ATG2A: variants seen among roughly 807,000 people sequenced by gnomAD.
ATG2A encodes the protein autophagy related 2A.
A neutral mutation model predicts 214.2 loss-of-function variants in ATG2A; 103 were observed. The ratio of observed to expected loss-of-function variants is 0.48; its 90% CI spans 0.41 to 0.57. The LOEUF (loss-of-function observed/expected upper bound fraction) is 0.57, where lower values mean the gene tolerates loss of function less well. Among genes scored for constraint, ATG2A ranks in the 20% least tolerant of loss-of-function variants. The pLI, the probability that ATG2A is intolerant of heterozygous loss-of-function variation, is 0.00. For synonymous variants in ATG2A, 1,160 were observed against 1,142.1 expected (o/e 1.02, Z -0.32); for missense variants, 2,312 against 2,613.2 (o/e 0.88, Z 2.51).
rs1944820529 is a variant in ATG2A at position 64,912,654 on chromosome 11, T to G, written c.826-231A>C. On this transcript the variant is annotated intron_variant, in intron 6 of 40. Coordinates refer to ENST00000377264, the MANE Select transcript of ATG2A (RefSeq NM_015104.3). ...TGTTGCCCAGGCTGCAGTGCAGTGG[T>G]GCAATCTTGGCTCACTGCAACCTCT... The G allele has an allele frequency of 4.4e-5, 23 of 518,214 alleles. 2 individuals carry two copies. In the South Asian group the frequency reaches 5.4e-4, roughly 12 times the overall value. The allele number at this position is 518,214 out of a possible 1,614,324, so 32.1% of individuals were successfully genotyped here.
chr11:64,895,363 C>G lies in ATG2A; in HGVS notation c.5507G>C (p.Arg1836Pro), dbSNP rs200184532. Residue 1836 changes from arginine to proline, a missense_variant, in exon 40 of 41, where the codon CGG becomes CCG. Transcript: ENST00000377264. This position sits in a 1 kb window ranked among gnomAD's most constrained non-coding sequence, Gnocchi z 5.0. ...AGGCTGCTGGCCCCTGCGCAGCCTC[C>G]GCGCAGAGCGCTTATCCTGCAGGGA... ...SRSLQDKRSA[R>P]RLRRGQQPAD... 3 of 1,612,756 alleles carry G rather than the reference C, an allele frequency of 1.9e-6. No homozygotes were observed. Among genetic ancestry groups the G allele is most frequent in the Admixed American group, 3.3e-5 (2 of 59,938 alleles).
At position 64,901,981 on chromosome 11, in the gene ATG2A, G is replaced by A. The variant is rs1354642101; in HGVS notation, c.4100C>T (p.Ala1367Val). Reference sequence around the variant, plus strand: ...ACGCACCGGGATGCCCAGGCCGGGAGCATCAAGGATGCAGAACTCATCACT... The same window carrying A: ...ACGCACCGGGATGCCCAGGCCGGGAACATCAAGGATGCAGAACTCATCACT... ...LDSDEFCILD[A>V]PGLGIPPRDG... is the part of the protein sequence containing the mutation. Residue 1367 changes from alanine to valine, a missense_variant, in exon 29 of 41, where the codon GCT becomes GTT. Transcript: ENST00000377264. The A allele has an allele frequency of 1.5e-5, 24 of 1,613,508 alleles. No individual in the cohort carries two copies. Among genetic ancestry groups the A allele is most frequent in the Non-Finnish European group, 2.0e-5 (24 of 1,179,998 alleles).
chr11:64,906,579 C>T (rs1944558961), intron 20 of ATG2A, 46 bp from the exon 21 acceptor site: 1 of 1,608,880 alleles, frequency 6.2e-7, no homozygotes, highest in Admixed American at 1.7e-5. Flanking sequence ...ACTGGCTACC[C>T]ACTCCACCCA....
chr11:64,895,494 GCCCCAGGC>G lies in ATG2A; in HGVS notation c.5428-60_5428-53del. On this transcript the variant is annotated intron_variant, in intron 39 of 40. Transcript: ENST00000377264. This position sits in a 1 kb window ranked among gnomAD's most constrained non-coding sequence, Gnocchi z 5.0. ...GGACAGCTGGCTGGGGCACACGTCA[GCCCCAGGC>G]CCCCAGGACAGTCTGAGACCCCACC... is the stretch of plus-strand genomic sequence containing the variant. The G allele has an allele frequency of 6.8e-7, 1 of 1,478,442 alleles. No homozygotes were observed. Among genetic ancestry groups the G allele is most frequent in the Non-Finnish European group, 9.0e-7 (1 of 1,110,614 alleles). 91.6% of individuals were successfully genotyped at this position (1,478,442 alleles called of 1,614,324 possible).
In ATG2A at chr11:64,902,108, G is replaced by T. The variant is rs776789973; in HGVS notation, c.3973C>A (p.Pro1325Thr). The change falls in exon 29 of 41, where the codon CCC becomes ACC. Residue 1325 changes from proline (P) to threonine (T), a missense_variant. Coordinates refer to ENST00000377264, the MANE Select transcript of ATG2A (RefSeq NM_015104.3). Reference sequence around the variant, plus strand: ...GGGCCCCCGACAGGTGGTGAAGGGGGTGGGGCCCCACTCCGTTCACCTGGG... The same window carrying T: ...GGGCCCCCGACAGGTGGTGAAGGGGTTGGGGCCCCACTCCGTTCACCTGGG... ...LFPGERSGAP[P>T]PSPPVGGPAG... The T allele has an allele frequency of 1.9e-6, 3 of 1,613,930 alleles. No homozygotes were observed. In the Admixed American group the frequency reaches 5.0e-5, roughly 27 times the overall value.
In ATG2A at chr11:64,913,172, GA is replaced by G; in HGVS notation, c.727-37del. Reference sequence around the variant, plus strand: ...GGAGGATACAAGAGGGAAAGGTTGAGAAAATGGAGTCAGAGATGGTCAGAAA... The same window carrying G: ...GGAGGATACAAGAGGGAAAGGTTGAGAAATGGAGTCAGAGATGGTCAGAAA... On this transcript the variant is annotated intron_variant, in intron 5 of 40. Transcript: ENST00000377264. The surrounding 1 kb of genome is among the most constrained non-coding windows in gnomAD (Gnocchi z 4.3). 6.3e-7 allele frequency: 1 copy of G among 1,599,638 alleles called. No homozygotes were observed. The highest frequency in any genetic ancestry group is 8.5e-7 in the Non-Finnish European group (1 of 1,172,168).
At position 64,897,426 on chromosome 11, in the gene ATG2A, G is replaced by T; in HGVS notation, c.5136C>A (p.Leu1712=). The change falls in exon 37 of 41, where the codon CTC becomes CTA. Residue 1712 remains leucine, a synonymous_variant. Transcript: ENST00000377264. Reference sequence around the variant, plus strand: ...TGGGGACTCACCCGTGCCTGCAACAGAGCCGCTTTAGCTTCAGCTCGGAGC... The same window carrying T: ...TGGGGACTCACCCGTGCCTGCAACATAGCCGCTTTAGCTTCAGCTCGGAGC... The part of the protein sequence containing the change: ...LNCSELKLKR[L]CCRHGLLGVD... The T allele has an allele frequency of 5.1e-6, 8 of 1,566,742 alleles. No homozygotes were observed. The highest frequency in any genetic ancestry group is 6.9e-6 in the Non-Finnish European group (8 of 1,155,486).
intron 1 of ATG2A, 86 bp from the exon 2 acceptor site, chr11:64,914,586 G>C (rs941512124): frequency 9.3e-6 from 14 of 1,506,638 alleles, no homozygotes; most frequent in Non-Finnish European, 1.2e-5. Context: ...TAGTGCCTTG[G>C]AGAGCACCCT....
chr11:64,915,380 C>T (rs1421780458), intron 1 of ATG2A, among the ~76,000 whole-genome samples: 1 of 152,168 alleles, frequency 6.6e-6, no homozygotes, highest in Non-Finnish European at 1.5e-5. Context: ...CCAAATTCCT[C>T]ACCCAGAGAC....
chr11:64,894,641 T>C lies in ATG2A; in HGVS notation c.*332A>G, dbSNP rs1232498927. The C allele has an allele frequency of 1.6e-6, 1 of 620,752 alleles. No individual in the cohort carries two copies. Among genetic ancestry groups the C allele is most frequent in the African/African-American group, 1.8e-5 (1 of 55,576 alleles). 38.5% of individuals were successfully genotyped at this position (620,752 alleles called of 1,614,324 possible). ...ATCGAACCACACGGATATCATCCCC[T>C]CCTCCCCCCAGACACAGAAAGACAC... On this transcript the variant is annotated 3_prime_UTR_variant, in exon 41 of 41. Coordinates refer to ENST00000377264, the MANE Select transcript of ATG2A (RefSeq NM_015104.3).
chr11:64,910,785 C>T (rs1163499644), intron 11 of ATG2A, 22 bp downstream of exon 11: 3 of 1,610,482 alleles, frequency 1.9e-6, no homozygotes, highest in African/African-American at 1.3e-5. Flanking sequence ...CCGCCTCGTA[C>T]ACATTCTGCC....
At chr11:64,899,241 G>C (rs910678192) in intron 31 of ATG2A, among the ~76,000 whole-genome samples, 1 of 152,178 alleles carries the variant, frequency 6.6e-6, no homozygotes, top group African/African-American at 2.4e-5. Flanking sequence ...GCAGGGACCT[G>C]CCTCTCCCTC....
In ATG2A at chr11:64,898,155, G is replaced by A; in HGVS notation, c.4789C>T (p.Leu1597Phe). 6.2e-7 allele frequency: 1 copy of A among 1,614,112 alleles called. No individual in the cohort carries two copies. Among genetic ancestry groups the A allele is most frequent in the East Asian group, 2.2e-5 (1 of 44,888 alleles). The change falls in exon 34 of 41, where the codon CTC (leucine) becomes TTC (phenylalanine). Residue 1597 changes from leucine (L) to phenylalanine (F), a missense_variant. Transcript: ENST00000377264. The surrounding 1 kb of genome is among the most constrained non-coding windows in gnomAD (Gnocchi z 4.5). ...ACCAGACTAGTGAAGAAGTCCTTGA[G>A]GAAGAAGAGGGCATCCTGCAAGGGA... Reference protein sequence around the residue: ...LNVDQDALFFLKDFFTSLVAG... With the variant: ...LNVDQDALFFFKDFFTSLVAG...
rs530941851 is a variant in ATG2A at position 64,908,982 on chromosome 11, A to C, written c.2364+9T>G. On this transcript the variant is annotated intron_variant, in intron 16 of 40. Coordinates refer to ENST00000377264, the MANE Select transcript of ATG2A (RefSeq NM_015104.3). ...GGGGGTCCTGGGAAGAGGTGGGGCCAAGTCTCACCTCCTCTGTCTCATACA... is the reference window on the plus strand; with the variant it reads ...GGGGGTCCTGGGAAGAGGTGGGGCCCAGTCTCACCTCCTCTGTCTCATACA... 6 of 1,564,426 alleles carry C rather than the reference A, an allele frequency of 3.8e-6. No individual in the cohort carries two copies. The East Asian group carries it at 9.5e-5, about 25-fold the overall frequency.
At chr11:64,901,409 A>G (rs1261097617) in intron 29 of ATG2A, among the ~76,000 whole-genome samples, 1 of 151,958 alleles carries the variant, frequency 6.6e-6, no homozygotes, top group Non-Finnish European at 1.5e-5. Context: ...CTAATCTCTC[A>G]TTGCTGGACT....
At position 64,906,499 on chromosome 11, in the gene ATG2A, C is replaced by T. The variant is rs751270332; in HGVS notation, c.3018G>A (p.Leu1006=). The part of the protein sequence containing the change: ...AVDDYPLPSH[L]DLPSFAPPAQ... The stretch of plus-strand genomic sequence containing the variant: ...CCGGGGGAGCGAAACTGGGAAGGTC[C>T]AGGTGACTGGGCAGCGGGTAGTCAT... The change falls in exon 21 of 41, where the codon CTG becomes CTA. Residue 1006 remains leucine (L), a synonymous_variant. Coordinates refer to ENST00000377264, the MANE Select transcript of ATG2A (RefSeq NM_015104.3). 1 of 1,613,316 alleles carries T rather than the reference C, an allele frequency of 6.2e-7. No individual in the cohort carries two copies. The highest frequency in any genetic ancestry group is 1.7e-5 in the Admixed American group (1 of 60,018).
chr11:64,905,442 C>T (rs1240576303), intron 24 of ATG2A, 121 bp downstream of exon 24: 2 of 1,111,474 alleles, frequency 1.8e-6, no homozygotes, highest in Non-Finnish European at 2.6e-6. Context: ...AATCCACATT[C>T]CTGAGAATGA....
chr11:64,905,456 T>G, intron 24 of ATG2A, 107 bp downstream of exon 24: 2 of 1,209,206 alleles, frequency 1.7e-6, no homozygotes, highest in South Asian at 1.3e-5. Context: ...AGAATGAGAC[T>G]ATCACCCGGG....
chr11:64,902,671 G>A lies in ATG2A; in HGVS notation c.3622C>T (p.Leu1208=), dbSNP rs1400002097. ...TTGTTGGAGCAGCGCAGCTCGAATA[G>A]TGGCTGGCTCTGCAGGGGCGGGGTG... The part of the protein sequence containing the change: ...GSTEGKLSQP[L]FELRCSNNVV... The change falls in exon 27 of 41, where the codon CTA becomes TTA. Residue 1208 remains leucine (L), a synonymous_variant. Transcript: ENST00000377264. 6.2e-7 allele frequency: 1 copy of A among 1,609,974 alleles called. No individual in the cohort carries two copies. Among genetic ancestry groups the A allele is most frequent in the East Asian group, 2.2e-5 (1 of 44,838 alleles).
Sources: gnomAD v4.1 joint callset for allele counts (sites outside exome capture counted in the v4.1 genomes callset) on GRCh38, gnomAD v4.1.1 for gene constraint, Gnocchi (gnomAD v3.1) non-coding constraint, MANE v1.5 for transcripts, NCBI Gene and HGNC (gene_info 2026-07-23, HGNC 2026-07-21) for gene names.